FBXO34: variants seen among roughly 807,000 people sequenced by gnomAD.
The protein encoded by FBXO34 is F-box protein 34.
In FBXO34, 12 loss-of-function variants were observed where a neutral mutation model predicts 24.5. The ratio of observed to expected loss-of-function variants is 0.49; its 90% CI spans 0.31 to 0.79. The LOEUF (loss-of-function observed/expected upper bound fraction) is 0.79. Ranked by LOEUF, FBXO34 falls within the 30% of genes least tolerant of loss-of-function variation. The pLI, the probability that FBXO34 is intolerant of heterozygous loss-of-function variation, is 0.04. For synonymous variants in FBXO34, 320 were observed against 311.9 expected, an observed-to-expected ratio of 1.03 and a Z score of -0.27; for missense variants, 823 against 857.7, an observed-to-expected ratio of 0.96 and a Z score of 0.51.
Position 55,351,271 on chromosome 14 carries a change from A to G in FBXO34, c.881A>G (p.Gln294Arg). The G allele has an allele frequency of 6.2e-7, 1 of 1,614,208 alleles. No individual in the cohort carries two copies. ...TTGGAGTCTGAGTGCCTGAAGCGGC[A>G]GGGCCAGCGTGAGCCTGGGAGCCTC... ...AKLESECLKRQGQREPGSLSR... is the reference protein window; with the variant it reads ...AKLESECLKRRGQREPGSLSR... Residue 294 changes from glutamine (Q) to arginine (R), a missense_variant, in exon 2 of 2, where the codon CAG (glutamine) becomes CGG (arginine). Gln to Arg is a conservative substitution (Grantham distance 43). Coordinates refer to ENST00000313833, the MANE Select transcript of FBXO34 (RefSeq NM_017943.4).
chr14:55,364,101 C>T (rs1195805588), downstream of FBXO34, among the ~76,000 whole-genome samples: 1 of 151,990 alleles, frequency 6.6e-6, no homozygotes, highest in Non-Finnish European at 1.5e-5. Flanking sequence ...CAGGCATGTG[C>T]CACCATGCCT....
At chr14:55,345,008 CG>C (rs758242787) in intron 1 of FBXO34, among the ~76,000 whole-genome samples, 5 of 152,244 alleles carry the variant, frequency 3.3e-5, no homozygotes, top group South Asian at 2.1e-4. Flanking sequence ...TGATAATAAA[CG>C]GGTAGGGCTG....
chr14:55,276,765 C>A (rs531289926), intron 1 of FBXO34, among the ~76,000 whole-genome samples: 1 of 152,156 alleles, frequency 6.6e-6, no homozygotes, highest in East Asian at 1.9e-4. Flanking sequence ...GTGATAGATT[C>A]GGGGCTTTGG....
chr14:55,435,605 A>G, the FBXO34 span, among the ~76,000 whole-genome samples: 2 of 152,172 alleles, frequency 1.3e-5, no homozygotes, highest in Non-Finnish European at 2.9e-5. Context: ...ACTAAAAAAT[A>G]TTTTTGAATG....
At chr14:55,296,871 A>T (rs1228200961) in intron 1 of FBXO34, among the ~76,000 whole-genome samples, 1 of 150,924 alleles carries the variant, frequency 6.6e-6, no homozygotes, top group African/African-American at 2.4e-5. Context: ...TTTGTCTTCT[A>T]AAAAAATATA....
the FBXO34 span, chr14:55,413,887 T>G: frequency 2.2e-6 from 1 of 449,026 alleles, no homozygotes; most frequent in African/African-American, 2.0e-5. Context: ...AGCTTTGCTG[T>G]GGTAACATTT....
At chr14:55,373,820 A>G (rs1226327844), downstream of FBXO34, among the ~76,000 whole-genome samples, 2 of 145,020 alleles carry the variant, frequency 1.4e-5, no homozygotes, top group African/African-American at 5.0e-5. Context: ...AAAAAAAAAA[A>G]GTTTATCTTT....
At chr14:55,377,699 C>T in the FBXO34 span, 1 of 618,990 alleles carries the variant, frequency 1.6e-6, no homozygotes, top group Non-Finnish European at 2.7e-6. Flanking sequence ...TTGGACTCCA[C>T]TATTTTTGTC....
At chr14:55,424,501 T>C in the FBXO34 span, among the ~76,000 whole-genome samples, 2 of 152,186 alleles carry the variant, frequency 1.3e-5, no homozygotes, top group African/African-American at 2.4e-5. Flanking sequence ...TTATTAGAAA[T>C]CAAGGTAACT....
chr14:55,399,821 T>G, the FBXO34 span, among the ~76,000 whole-genome samples: 14 of 152,208 alleles, frequency 9.2e-5, no homozygotes, highest in African/African-American at 3.4e-4. Context: ...AGGTCTGTTG[T>G]AAAAATGCCA....
intron 1 of FBXO34, among the ~76,000 whole-genome samples, chr14:55,304,995 C>A (rs910035281): frequency 6.6e-6 from 1 of 152,168 alleles, no homozygotes; most frequent in Non-Finnish European, 1.5e-5. Flanking sequence ...GCTGAACTCC[C>A]CTTTTAATCA....
At chr14:55,405,438 T>C in the FBXO34 span, among the ~76,000 whole-genome samples, 1 of 152,242 alleles carries the variant, frequency 6.6e-6, no homozygotes, top group Non-Finnish European at 1.5e-5. Context: ...TAATGTGGCA[T>C]CATTCCTGAA....
chr14:55,391,491 G>A, the FBXO34 span, among the ~76,000 whole-genome samples: 6,897 of 141,900 alleles, frequency 0.049, 260 homozygotes, highest in South Asian at 0.075. Flanking sequence ...AAAAAAAAAA[G>A]GAAAGGGAAA....
At chr14:55,386,201 G>T in the FBXO34 span, 3 of 969,034 alleles carry the variant, frequency 3.1e-6, no homozygotes, top group East Asian at 7.3e-5. Flanking sequence ...AATCTAAACT[G>T]AAAGCAAAAC....
chr14:55,291,418 AT>A (rs1881941088), intron 1 of FBXO34, among the ~76,000 whole-genome samples: 1 of 152,188 alleles, frequency 6.6e-6, no homozygotes, highest in African/African-American at 2.4e-5. Flanking sequence ...TTTTCATTTT[AT>A]TTAGGCCAAT....
At chr14:55,402,333 T>C in the FBXO34 span, among the ~76,000 whole-genome samples, 12 of 152,098 alleles carry the variant, frequency 7.9e-5, no homozygotes, top group Non-Finnish European at 1.8e-4. Flanking sequence ...TAATGTATTT[T>C]AAGAAAGGCA....
chr14:55,272,567 G>A (rs1881191462), intron 1 of FBXO34, among the ~76,000 whole-genome samples: 1 of 146,174 alleles, frequency 6.8e-6, no homozygotes, highest in Non-Finnish European at 1.5e-5. Context: ...CTGCTTGTTA[G>A]CATTTTTTGT....
At chr14:55,424,152 C>A in the FBXO34 span, 1 of 1,603,056 alleles carries the variant, frequency 6.2e-7, no homozygotes, top group Non-Finnish European at 8.5e-7. Flanking sequence ...ATAATCTTAG[C>A]ACTTACCTGT....
the FBXO34 span, among the ~76,000 whole-genome samples, chr14:55,415,884 G>A: frequency 5.3e-5 from 8 of 151,994 alleles, no homozygotes; most frequent in Non-Finnish European, 7.4e-5. Context: ...AAAATGTATG[G>A]TGTGTATATA....
Sources: gnomAD v4.1 joint callset for allele counts (sites outside exome capture counted in the v4.1 genomes callset) on GRCh38, gnomAD v4.1.1 for gene constraint, MANE v1.5 for transcripts, NCBI Gene and HGNC (gene_info 2026-07-23, HGNC 2026-07-21) for gene names.